Variants in ROR2 observed in about 807,000 individuals in gnomAD.
ROR2 encodes the protein tyrosine-protein kinase transmembrane receptor ROR2.
Under a neutral mutation model 74.9 loss-of-function variants are expected in ROR2, and 33 were observed. The ratio of observed to expected loss-of-function variants is 0.44; its 90% CI spans 0.33 to 0.59. The LOEUF (loss-of-function observed/expected upper bound fraction) is 0.59, where lower values mean the gene tolerates loss of function less well. Ranked by LOEUF, ROR2 falls within the 20% of genes least tolerant of loss-of-function variation. The pLI, the probability that ROR2 is intolerant of heterozygous loss-of-function variation, is 0.02. For synonymous variants in ROR2, 586 were observed against 558.7 expected (o/e 1.05, Z -0.69); for missense variants, 1,216 against 1,313.8 (o/e 0.93, Z 1.15).
In ROR2 at chr9:91,724,112, C is replaced by T. The variant is rs532042443; in HGVS notation, c.2382G>A (p.Pro794=). The T allele has an allele frequency of 6.8e-5, 110 of 1,610,832 alleles. No individual in the cohort carries two copies. In the South Asian group the frequency reaches 9.2e-4, roughly 14 times the overall value. Residue 794 remains proline (P), a synonymous_variant, in exon 9 of 9, where the codon CCG becomes CCA. Coordinates refer to ENST00000375708, the MANE Select transcript of ROR2 (RefSeq NM_004560.4). ...ARYVGPKQKA[P]PFPQPQFIPM... is the part of the protein sequence containing the mutation. The stretch of plus-strand genomic sequence containing the variant: ...GGATGAACTGGGGCTGTGGGAAGGG[C>T]GGGGCCTTCTGCTTGGGCCCCACGT...
rs573566499 is a variant in ROR2, at chr9:91,789,427, A to G, written c.98-13609T>C. 2.6e-5 allele frequency among the ~76,000 whole-genome samples: 4 copies of G among 152,286 alleles called. No homozygotes were observed. In the South Asian group the frequency reaches 8.3e-4, roughly 32 times the overall value. On this transcript the variant is annotated intron_variant, in intron 1 of 8. Coordinates refer to ENST00000375708, the MANE Select transcript of ROR2 (RefSeq NM_004560.4). ...AGGTACTGTGAAAGACAGTATAAAC[A>G]TGTTTTTTTGTAATTCTTTTATTCA...
At chr9:91,729,523 A>G (rs996304427) in intron 7 of ROR2, among the ~76,000 whole-genome samples, 4 of 152,228 alleles carry the variant, frequency 2.6e-5, no homozygotes, top group Non-Finnish European at 5.9e-5. Context: ...CATTAGTGCC[A>G]GTGTTTATTT....
At chr9:91,857,691 C>A (rs1829339829) in intron 1 of ROR2, among the ~76,000 whole-genome samples, 1 of 152,114 alleles carries the variant, frequency 6.6e-6, no homozygotes, top group African/African-American at 2.4e-5. Flanking sequence ...CAGGAGCAGG[C>A]AACTTCCTCC....
chr9:91,876,376 A>AG (rs1587811312), intron 1 of ROR2, among the ~76,000 whole-genome samples: 1 of 151,824 alleles, frequency 6.6e-6, no homozygotes, highest in African/African-American at 2.4e-5. Flanking sequence ...CTCCAAAAAA[A>AG]AAAAGTGAAA....
At chr9:91,790,500 C>G (rs554307408) in intron 1 of ROR2, among the ~76,000 whole-genome samples, 1 of 147,344 alleles carries the variant, frequency 6.8e-6, no homozygotes, top group South Asian at 2.2e-4. Flanking sequence ...CAGAGCGAGA[C>G]TCCGTCTCAA....
chr9:91,826,663 A>G (rs1828300242), intron 1 of ROR2, among the ~76,000 whole-genome samples: 1 of 152,074 alleles, frequency 6.6e-6, no homozygotes, highest in African/African-American at 2.4e-5. Flanking sequence ...GGGAGCCTGT[A>G]GTCCCAGCTA....
intron 1 of ROR2, among the ~76,000 whole-genome samples, chr9:91,815,368 A>G (rs901101009): frequency 1.4e-4 from 21 of 152,350 alleles, no homozygotes; most frequent in African/African-American, 5.0e-4. Context: ...AAGAAACCAC[A>G]GGCATTTTCA....
At chr9:91,792,512 G>A (rs763664899) in intron 1 of ROR2, among the ~76,000 whole-genome samples, 6 of 152,084 alleles carry the variant, frequency 3.9e-5, no homozygotes, top group Non-Finnish European at 8.8e-5. Flanking sequence ...GTTTCACCGT[G>A]TTAGCCAAGA....
chr9:91,867,935 C>G (rs1221494775), intron 1 of ROR2, among the ~76,000 whole-genome samples: 1 of 152,174 alleles, frequency 6.6e-6, no homozygotes, highest in Non-Finnish European at 1.5e-5. Flanking sequence ...AACGGCTGAA[C>G]AACACCCAGA....
chr9:91,922,243 TC>T (rs2117866737), intron 1 of ROR2, among the ~76,000 whole-genome samples: 1 of 151,246 alleles, frequency 6.6e-6, no homozygotes, highest in East Asian at 1.9e-4. Flanking sequence ...GTCTGGCAGT[TC>T]CCCAAAAAAA....
intron 1 of ROR2, among the ~76,000 whole-genome samples, chr9:91,837,352 G>A (rs775079939): frequency 6.6e-6 from 1 of 152,170 alleles, no homozygotes; most frequent in African/African-American, 2.4e-5. Context: ...GATTACAGGC[G>A]TGAGCCACTG....
chr9:91,764,948 C>T (rs998775321), intron 2 of ROR2, among the ~76,000 whole-genome samples: 7 of 152,136 alleles, frequency 4.6e-5, no homozygotes, highest in Non-Finnish European at 7.4e-5. Context: ...TGAACTTTCC[C>T]CTTCTTAGGC....
At chr9:91,890,941 C>T (rs940471219) in intron 1 of ROR2, among the ~76,000 whole-genome samples, 4 of 152,070 alleles carry the variant, frequency 2.6e-5, no homozygotes, top group African/African-American at 2.4e-5. Context: ...TTAAAATGCC[C>T]TCATGTGGAT....
chr9:91,872,778 C>T (rs988520547), intron 1 of ROR2, among the ~76,000 whole-genome samples: 2 of 152,136 alleles, frequency 1.3e-5, no homozygotes, highest in Admixed American at 6.5e-5. Context: ...GGCTCATGGC[C>T]GAAGTACCAA....
intron 1 of ROR2, among the ~76,000 whole-genome samples, chr9:91,802,200 G>C (rs1364514482): frequency 6.6e-6 from 1 of 150,700 alleles, no homozygotes; most frequent in African/African-American, 2.4e-5. Context: ...CAGTCTTCCA[G>C]GTAGCTGGGA....
At chr9:91,846,598 G>A (rs905785311) in intron 1 of ROR2, among the ~76,000 whole-genome samples, 3 of 152,160 alleles carry the variant, frequency 2.0e-5, no homozygotes, top group African/African-American at 7.2e-5. Context: ...GGTTCTCAAG[G>A]AAATCTCAGG....
intron 4 of ROR2, among the ~76,000 whole-genome samples, chr9:91,741,128 C>T (rs576192951): frequency 1.3e-5 from 2 of 152,020 alleles, no homozygotes; most frequent in East Asian, 1.9e-4. Flanking sequence ...GATGAAACTC[C>T]GTCTCTATTA....
At chr9:91,762,109 T>C (rs193011573) in intron 2 of ROR2, among the ~76,000 whole-genome samples, 1 of 152,328 alleles carries the variant, frequency 6.6e-6, no homozygotes, top group Admixed American at 6.5e-5. Context: ...GGACCCCCTC[T>C]TTCCTTGGCC....
chr9:91,912,453 T>C (rs1831019985), intron 1 of ROR2, among the ~76,000 whole-genome samples: 1 of 152,204 alleles, frequency 6.6e-6, no homozygotes, highest in Non-Finnish European at 1.5e-5. Flanking sequence ...CATCGCACAT[T>C]GTGTATACAG....
Sources: allele counts gnomAD v4.1 joint callset (sites outside exome capture counted in the v4.1 genomes callset), GRCh38; gene constraint gnomAD v4.1.1; transcripts MANE v1.5; gene names NCBI Gene and HGNC (gene_info 2026-07-23, HGNC 2026-07-21).